OTUD5: variants seen among roughly 807,000 people sequenced by gnomAD.
The protein encoded by OTUD5 is OTU domain-containing protein 5.
OTUD5 carries 2 observed loss-of-function variants against 36.3 expected under a neutral mutation model. The observed-to-expected ratio is 0.06, with a 90% CI of 0.02 to 0.17. The LOEUF is 0.17. Ranked by LOEUF, OTUD5 falls within the 10% of genes least tolerant of loss-of-function variation. The pLI is 1.00. For missense variants in OTUD5, 233 were observed against 512.3 expected (o/e 0.45, Z 5.26); for synonymous variants, 234 against 214.9 (o/e 1.09, Z -0.78).
In OTUD5 at chrX:48,932,161, GATAATAATAATAATA is replaced by G. The variant is rs781824408; in HGVS notation, c.1059+2288_1059+2302del. ...AGAAACTTCGTCTCAAAAAAAAGAT[GATAATAATAATAATA>G]ATAATAATAATAATAATAATAATAA... On this transcript the variant is annotated intron_variant, in intron 5 of 8. Coordinates refer to ENST00000376488, the MANE Select transcript of OTUD5 (RefSeq NM_001136157.2). 1.3e-3 allele frequency among the ~76,000 whole-genome samples: 117 copies of G among 88,811 alleles called. 1 individual carries two copies. Among genetic ancestry groups the G allele is most frequent in the East Asian group, 2.1e-3 (6 of 2,833 alleles). The allele number at this position is 88,811 out of a possible 115,157, so 77.1% of individuals were successfully genotyped here. A position where few individuals can be genotyped will look rare whatever the true frequency, so the allele number is the denominator to read the frequency against.
chrX:48,923,339 A>G, intron 8 of OTUD5, 44 bp from the exon 9 acceptor site: 2 of 1,058,986 alleles, frequency 1.9e-6, no homozygotes, highest in Non-Finnish European at 2.6e-6. Context: ...GAGCGCTCTC[A>G]GCCTGCCTTC....
intron 1 of OTUD5, among the ~76,000 whole-genome samples, chrX:48,954,953 G>A (rs1303217577): frequency 8.9e-6 from 1 of 111,734 alleles, no homozygotes; most frequent in Non-Finnish European, 1.9e-5. Context: ...ACCCTGAAGA[G>A]CATCCAGGTC....
At chrX:48,957,688 G>A, upstream of OTUD5, 1 of 798,160 alleles carries the variant, frequency 1.3e-6, no homozygotes, top group Non-Finnish European at 1.5e-6. Flanking sequence ...CCCGGATAAA[G>A]GGATCGCGGC....
intron 1 of OTUD5, among the ~76,000 whole-genome samples, chrX:48,953,491 C>G (rs903415215): frequency 1.8e-5 from 2 of 111,562 alleles, no homozygotes; most frequent in Admixed American, 9.5e-5. Flanking sequence ...AGCATTTTGC[C>G]TGGCCAGTGA....
Position 48,926,058 on chromosome X carries a change from G to A in OTUD5, c.1060-8C>T. ...CAGAGACTGCTCTGCAAACTGCAAG[G>A]AGGGAGAGGAACAGGGATGTGCAAT... On this transcript the variant is annotated splice_polypyrimidine_tract_variant and splice_region_variant and intron_variant, in intron 5 of 8. Coordinates refer to ENST00000376488, the MANE Select transcript of OTUD5 (RefSeq NM_001136157.2). 1.7e-6 allele frequency: 2 copies of A among 1,188,177 alleles called. No homozygotes were observed. The highest frequency in any genetic ancestry group is 2.3e-6 in the Non-Finnish European group (2 of 875,342).
intron 2 of OTUD5, among the ~76,000 whole-genome samples, chrX:48,942,280 C>CACACACACACAG (rs1475092896): frequency 1.3e-4 from 12 of 91,128 alleles, no homozygotes; most frequent in Admixed American, 2.4e-4. Flanking sequence ...CACACACACA[C>CACACACACACAG]AGAGAACAGC....
intron 5 of OTUD5, among the ~76,000 whole-genome samples, chrX:48,927,734 T>C (rs967330114): frequency 2.7e-5 from 3 of 111,387 alleles, no homozygotes; most frequent in Non-Finnish European, 5.7e-5. Flanking sequence ...GCAGGCATTA[T>C]TGATTATGCC....
At chrX:48,954,070 C>T (rs1472482612) in intron 1 of OTUD5, among the ~76,000 whole-genome samples, 1 of 111,095 alleles carries the variant, frequency 9.0e-6, no homozygotes, top group African/African-American at 3.3e-5. Context: ...GACAGAAAGC[C>T]TCTCCTGTCA....
chrX:48,926,448 T>G (rs1025080796), intron 5 of OTUD5, among the ~76,000 whole-genome samples: 4 of 109,900 alleles, frequency 3.6e-5, no homozygotes, highest in African/African-American at 1.3e-4. Context: ...CCTCCCAGGT[T>G]CAAGGGATTC....
chrX:48,929,448 C>T (rs782300790), intron 5 of OTUD5, among the ~76,000 whole-genome samples: 9 of 109,847 alleles, frequency 8.2e-5, no homozygotes, highest in African/African-American at 2.0e-4. Context: ...ATGGCCAGCG[C>T]GGTGGCTCAT....
chrX:48,925,095 G>A (rs2063643441), intron 6 of OTUD5, among the ~76,000 whole-genome samples: 1 of 109,790 alleles, frequency 9.1e-6, no homozygotes, highest in African/African-American at 3.3e-5. Flanking sequence ...TGGCTAACAC[G>A]GTGAAACCCC....
At chrX:48,950,652 T>C (rs1221125430) in intron 1 of OTUD5, among the ~76,000 whole-genome samples, 1 of 104,918 alleles carries the variant, frequency 9.5e-6, no homozygotes, top group Non-Finnish European at 2.0e-5. Context: ...CTCCAATCCG[T>C]CTCCTGGGTT....
At chrX:48,945,293 T>G (rs1357554327) in intron 1 of OTUD5, among the ~76,000 whole-genome samples, 3 of 91,949 alleles carry the variant, frequency 3.3e-5, no homozygotes, top group African/African-American at 4.4e-5. Context: ...TTTTTTGAGA[T>G]GCAGTCTCAC....
intron 6 of OTUD5, among the ~76,000 whole-genome samples, chrX:48,924,921 T>C (rs1557047334): frequency 9.0e-6 from 1 of 111,724 alleles, no homozygotes. Context: ...GGCTCACCTA[T>C]GTATCCCCAT....
At chrX:48,945,424 C>A (rs1557052138) in intron 1 of OTUD5, among the ~76,000 whole-genome samples, 1 of 109,135 alleles carries the variant, frequency 9.2e-6, no homozygotes, top group African/African-American at 3.3e-5. Flanking sequence ...GCGCCTGCCA[C>A]CATGCCTGGC....
intron 6 of OTUD5, among the ~76,000 whole-genome samples, chrX:48,924,508 CCT>C (rs1269793549): frequency 8.9e-6 from 1 of 111,759 alleles, no homozygotes; most frequent in African/African-American, 3.3e-5. Flanking sequence ...ATGGTTTCTG[CCT>C]CTCTGAGAGT....
chrX:48,928,283 C>G (rs1391243546), intron 5 of OTUD5, among the ~76,000 whole-genome samples: 2 of 111,944 alleles, frequency 1.8e-5, no homozygotes, highest in Non-Finnish European at 3.8e-5. Context: ...TACAACTGAT[C>G]TAAAAAATTA....
intron 1 of OTUD5, among the ~76,000 whole-genome samples, chrX:48,947,847 C>T (rs955929873): frequency 8.9e-6 from 1 of 111,859 alleles, no homozygotes; most frequent in South Asian, 3.7e-4. Context: ...ACTTCTGCCA[C>T]GAAGTACCAG....
At chrX:48,932,157 AGAT>A (rs1457842085) in intron 5 of OTUD5, among the ~76,000 whole-genome samples, 1 of 62,218 alleles carries the variant, frequency 1.6e-5, no homozygotes, top group East Asian at 6.1e-4. Context: ...CTCAAAAAAA[AGAT>A]GATAATAATA....
Sources: allele counts gnomAD v4.1 joint callset (sites outside exome capture counted in the v4.1 genomes callset), GRCh38; gene constraint gnomAD v4.1.1; transcripts MANE v1.5; gene names NCBI Gene and HGNC (gene_info 2026-07-23, HGNC 2026-07-21).